The following TYW1 variants were observed in gnomAD, a reference collection of about 807,000 sequenced individuals.
TYW1 encodes the protein tRNA-yW synthesizing protein 1 homolog.
In TYW1, 46 loss-of-function variants were observed where a neutral mutation model predicts 96.2. That is an observed-to-expected ratio of 0.48 (90% CI 0.38 to 0.61). The LOEUF is 0.61. Among genes scored for constraint, TYW1 ranks in the 20% least tolerant of loss-of-function variants. The pLI, the probability that TYW1 is intolerant of heterozygous loss-of-function variation, is 0.00. For missense variants in TYW1, 684 were observed against 909.6 expected (o/e 0.75, Z 3.19); for synonymous variants, 274 against 323.0 (o/e 0.85, Z 1.63).
chr7:67,056,038 A>C, intron 9 of TYW1, 151 bp downstream of exon 9: 2 of 613,382 alleles, frequency 3.3e-6, no homozygotes. Flanking sequence ...AGTTCAGCAA[A>C]TTTTGATGTA....
chr7:67,030,784 T>C (rs1794644776), intron 7 of TYW1, among the ~76,000 whole-genome samples: 1 of 151,916 alleles, frequency 6.6e-6, no homozygotes, highest in African/African-American at 2.4e-5. Flanking sequence ...CTCAGAGACT[T>C]ATGGACACCT....
chr7:67,084,238 C>T (rs1172204188), intron 11 of TYW1, among the ~76,000 whole-genome samples: 1 of 149,124 alleles, frequency 6.7e-6, no homozygotes, highest in Non-Finnish European at 1.5e-5. Flanking sequence ...ATGGGAAAAC[C>T]GTTTTGAATG....
chr7:67,227,041 G>T (rs1454246178), intron 15 of TYW1, among the ~76,000 whole-genome samples: 2 of 152,152 alleles, frequency 1.3e-5, no homozygotes, highest in Non-Finnish European at 2.9e-5. Context: ...GATTCGTTTT[G>T]CATTAGTGTT....
chr7:67,045,210 T>A lies in TYW1; in HGVS notation c.985-4739T>A, dbSNP rs868524629. 4.2e-4 allele frequency among the ~76,000 whole-genome samples: 64 copies of A among 152,134 alleles called. 1 individual carries two copies. In the South Asian group the frequency reaches 4.8e-3, roughly 11 times the overall value. ...AAGTGGTATCGTATGATTTTTTTTT[T>A]AAATTTTTTTTATTTTTAGAGACAG... On this transcript the variant is annotated intron_variant, in intron 7 of 15. Coordinates refer to ENST00000359626, the MANE Select transcript of TYW1 (RefSeq NM_018264.4).
At chr7:67,173,818 G>C (rs1241619461) in intron 13 of TYW1, among the ~76,000 whole-genome samples, 1 of 143,238 alleles carries the variant, frequency 7.0e-6, no homozygotes, top group Non-Finnish European at 1.5e-5. Context: ...AGTTTGCTGA[G>C]AGTTTTTATT....
intron 15 of TYW1, among the ~76,000 whole-genome samples, chr7:67,220,862 C>G (rs1371589951): frequency 2.0e-5 from 3 of 151,998 alleles, no homozygotes; most frequent in Admixed American, 1.3e-4. Context: ...CTCAGCCCCC[C>G]GAGTAGCTGG....
At chr7:67,029,437 A>ATATATATATATATATATGT (rs746024597) in intron 7 of TYW1, among the ~76,000 whole-genome samples, 1 of 146,560 alleles carries the variant, frequency 6.8e-6, no homozygotes, top group African/African-American at 2.5e-5. Context: ...ATATATAAAT[A>ATATATATATATATATATGT]GTATTTTCTA....
At chr7:67,021,318 T>G (rs1014196022) in intron 6 of TYW1, among the ~76,000 whole-genome samples, 1 of 152,280 alleles carries the variant, frequency 6.6e-6, no homozygotes, top group Middle Eastern at 3.2e-3. Context: ...CCCACATCTT[T>G]CTCTGCTACA....
At chr7:67,131,389 G>A (rs1218465663) in intron 13 of TYW1, among the ~76,000 whole-genome samples, 1 of 152,086 alleles carries the variant, frequency 6.6e-6, no homozygotes, top group Non-Finnish European at 1.5e-5. Flanking sequence ...AAGATAGTAA[G>A]TACCACTATA....
chr7:67,020,797 A>C (rs912497089), intron 6 of TYW1, among the ~76,000 whole-genome samples: 2 of 152,274 alleles, frequency 1.3e-5, no homozygotes, highest in Non-Finnish European at 2.9e-5. Flanking sequence ...TGGGAATCCA[A>C]GGCAGGCGGA....
At chr7:67,080,513 C>G (rs1260705283) in intron 10 of TYW1, among the ~76,000 whole-genome samples, 2 of 151,666 alleles carry the variant, frequency 1.3e-5, no homozygotes, top group East Asian at 1.9e-4. Context: ...TCAAGCAATT[C>G]TTCTGCCTCA....
chr7:67,104,161 G>C (rs1797170565), intron 12 of TYW1, among the ~76,000 whole-genome samples: 1 of 152,058 alleles, frequency 6.6e-6, no homozygotes, highest in South Asian at 2.1e-4. Context: ...TCCCTAAAAG[G>C]GTTTCAGTCT....
At chr7:67,186,513 A>G (rs544427505) in intron 14 of TYW1, among the ~76,000 whole-genome samples, 1 of 152,274 alleles carries the variant, frequency 6.6e-6, no homozygotes, top group South Asian at 2.1e-4. Flanking sequence ...TTTCTGAGAC[A>G]GTCTTGCTCA....
At chr7:67,139,429 A>T (rs1422606924) in intron 13 of TYW1, among the ~76,000 whole-genome samples, 1 of 152,166 alleles carries the variant, frequency 6.6e-6, no homozygotes, top group South Asian at 2.1e-4. Context: ...ATGTACACAC[A>T]TGTGTATGCA....
chr7:67,116,952 T>G (rs1238196120), intron 12 of TYW1, among the ~76,000 whole-genome samples: 1 of 152,196 alleles, frequency 6.6e-6, no homozygotes, highest in African/African-American at 2.4e-5. Flanking sequence ...ACCCAAGGCT[T>G]GACATGAAAC....
rs538839042 is a variant in TYW1 at position 67,112,100 on chromosome 7, C to CAAAAAAAAAAAAAA, written c.1563-5373_1563-5360dup. Among the ~76,000 whole-genome samples, 87 of 94,850 alleles carry CAAAAAAAAAAAAAA rather than the reference C, an allele frequency of 9.2e-4. 1 individual carries two copies. The highest frequency in any genetic ancestry group is 2.7e-3 in the African/African-American group (72 of 26,738). 62.2% of individuals were successfully genotyped at this position (94,850 alleles called of 152,430 possible). A position where few individuals can be genotyped will look rare whatever the true frequency, so the allele number is the denominator to read the frequency against. ...GGTGACAGAGCGAGACTCTGTCTGACAAAAAAAAAAAAAAAAAAAAAAAGA... is the reference window on the plus strand; with the variant it reads ...GGTGACAGAGCGAGACTCTGTCTGACAAAAAAAAAAAAAAAAAAAAAAAAAAAAAAAAAAAAAGA... On this transcript the variant is annotated intron_variant, in intron 12 of 15. Transcript: ENST00000359626.
chr7:67,210,855 C>T (rs930147787), intron 15 of TYW1, among the ~76,000 whole-genome samples: 5 of 151,266 alleles, frequency 3.3e-5, no homozygotes, highest in African/African-American at 9.7e-5. Flanking sequence ...TCCATCCATC[C>T]ACCTTCTATC....
rs187185827 is a variant in TYW1, at chr7:67,102,945, G to A, written c.1562+4227G>A. Among the ~76,000 whole-genome samples the A allele has an allele frequency of 5.9e-5, 9 of 152,288 alleles. No individual in the cohort carries two copies. The South Asian group carries it at 1.0e-3, about 18-fold the overall frequency. The stretch of plus-strand genomic sequence containing the variant: ...ATTATAGGCGTGAGCCATCACGCCC[G>A]GTCACGCTTTTGGATTTTTAAAGCA... On this transcript the variant is annotated intron_variant, in intron 12 of 15. Coordinates refer to ENST00000359626, the MANE Select transcript of TYW1 (RefSeq NM_018264.4).
At chr7:67,220,437 T>A (rs1801351721) in intron 15 of TYW1, among the ~76,000 whole-genome samples, 1 of 152,074 alleles carries the variant, frequency 6.6e-6, no homozygotes, top group Non-Finnish European at 1.5e-5. Context: ...TCTCCTGACC[T>A]CGTGATCCGC....
Sources: gnomAD v4.1 joint callset for allele counts (sites outside exome capture counted in the v4.1 genomes callset) on GRCh38, gnomAD v4.1.1 for gene constraint, MANE v1.5 for transcripts, NCBI Gene and HGNC (gene_info 2026-07-23, HGNC 2026-07-21) for gene names.